GLDC: variants seen among roughly 807,000 people sequenced by gnomAD.
The protein encoded by GLDC is glycine decarboxylase.
Under a neutral mutation model 121.3 loss-of-function variants are expected in GLDC, and 104 were observed. The observed-to-expected ratio is 0.86, with a 90% CI of 0.73 to 1.01. The LOEUF (loss-of-function observed/expected upper bound fraction) is 1.01, where lower values mean the gene tolerates loss of function less well. Among genes scored for constraint, GLDC ranks in the 50% least tolerant of loss-of-function variants. GLDC has a pLI of 0.00. For synonymous variants in GLDC, 546 were observed against 480.6 expected (o/e 1.14, Z -1.78); for missense variants, 1,429 against 1,306.6 (o/e 1.09, Z -1.44).
rs1182796583 is a variant in GLDC at position 6,622,535 on chromosome 9, C to G, written c.335-2216G>C. ...CCGGGATTGCAGACAGAGTCTCGTTCACTCAGTGCTCAATGGTGCCCAGGC... is the reference window on the plus strand; with the variant it reads ...CCGGGATTGCAGACAGAGTCTCGTTGACTCAGTGCTCAATGGTGCCCAGGC... On this transcript the variant is annotated intron_variant, in intron 2 of 24. Coordinates refer to ENST00000321612, the MANE Select transcript of GLDC (RefSeq NM_000170.3). Among the ~76,000 whole-genome samples the G allele has an allele frequency of 3.9e-5, 6 of 152,294 alleles. No individual in the cohort carries two copies. In the South Asian group the frequency reaches 1.2e-3, roughly 32 times the overall value.
chr9:6,597,084 C>A (rs1309061933), intron 8 of GLDC, among the ~76,000 whole-genome samples: 4 of 152,154 alleles, frequency 2.6e-5, no homozygotes, highest in African/African-American at 9.7e-5. Flanking sequence ...TATGGATGAA[C>A]CTTGAAAACC....
intron 15 of GLDC, among the ~76,000 whole-genome samples, chr9:6,575,563 G>A (rs1310282993): frequency 1.3e-5 from 2 of 152,198 alleles, no homozygotes; most frequent in Non-Finnish European, 2.9e-5. Context: ...GCCATTGAGA[G>A]CCCTGTTCAC....
intron 7 of GLDC, among the ~76,000 whole-genome samples, chr9:6,603,942 C>G (rs1438268992): frequency 6.6e-6 from 1 of 152,052 alleles, no homozygotes; most frequent in Non-Finnish European, 1.5e-5. Context: ...ATTGGCCAGG[C>G]TCGTCTGGGA....
intron 7 of GLDC, 112 bp from the exon 8 acceptor site, chr9:6,602,317 T>C (rs1818631832): frequency 1.4e-6 from 1 of 735,030 alleles, no homozygotes; most frequent in Non-Finnish European, 2.5e-6. Flanking sequence ...GCAAATGCAC[T>C]TGGGTGCAAA....
At position 6,644,812 on chromosome 9, in the gene GLDC, A is replaced by C. The variant is rs146229618; in HGVS notation, c.256-120T>G. 1,113 of 737,582 alleles carry C rather than the reference A, an allele frequency of 1.5e-3. 6 individuals carry two copies. Among genetic ancestry groups the C allele is most frequent in the Middle Eastern group, 6.3e-3 (20 of 3,200 alleles). 45.7% of individuals were successfully genotyped at this position (737,582 alleles called of 1,614,324 possible). Reference sequence around the variant, plus strand: ...AAATCGCCTAATTAGGGTTCTTTTTAAAAGAAAAGGAAAACTCTGAGCAAG... The same window carrying C: ...AAATCGCCTAATTAGGGTTCTTTTTCAAAGAAAAGGAAAACTCTGAGCAAG... On this transcript the variant is annotated intron_variant, in intron 1 of 24. Coordinates refer to ENST00000321612, the MANE Select transcript of GLDC (RefSeq NM_000170.3).
intron 15 of GLDC, among the ~76,000 whole-genome samples, chr9:6,579,278 C>T (rs1244976406): frequency 6.6e-6 from 1 of 152,064 alleles, no homozygotes; most frequent in Admixed American, 6.6e-5. Context: ...TTAATCATTT[C>T]ATTTTTTACC....
At chr9:6,571,821 C>G (rs945767480) in intron 15 of GLDC, among the ~76,000 whole-genome samples, 6 of 152,134 alleles carry the variant, frequency 3.9e-5, no homozygotes, top group African/African-American at 1.4e-4. Flanking sequence ...TCATATATAG[C>G]TACAATAATC....
chr9:6,588,408 T>A lies in GLDC; in HGVS notation c.1700A>T (p.Glu567Val), dbSNP rs769569710. Residue 567 changes from glutamate (E) to valine (V), a missense_variant, in exon 14 of 25, where the codon GAA (glutamate) becomes GTA (valine). Glu to Val is a moderately radical substitution (Grantham distance 121, BLOSUM62 -2). Transcript: ENST00000321612. ...SCTMKLNSSS[E>V]LAPITWKEFA... ...CAGAAGTGAGCTACTTACTGCGAGTTCAGACGAACTGTTCAGTTTCATGGT... is the reference window on the plus strand; with the variant it reads ...CAGAAGTGAGCTACTTACTGCGAGTACAGACGAACTGTTCAGTTTCATGGT... 6.2e-7 allele frequency: 1 copy of A among 1,611,498 alleles called. No homozygotes were observed. The highest frequency in any genetic ancestry group is 1.1e-5 in the South Asian group (1 of 91,024).
intron 16 of GLDC, among the ~76,000 whole-genome samples, chr9:6,563,389 C>A (rs570952595): frequency 6.6e-6 from 1 of 152,236 alleles, no homozygotes; most frequent in Non-Finnish European, 1.5e-5. Context: ...GCGGCCTCTC[C>A]GCCAAGCAGT....
intron 2 of GLDC, among the ~76,000 whole-genome samples, chr9:6,642,191 A>C (rs1336605462): frequency 6.6e-6 from 1 of 152,100 alleles, no homozygotes; most frequent in African/African-American, 2.4e-5. Context: ...AATCATCCCA[A>C]ACTAGATGGA....
At position 6,589,255 on chromosome 9, in the gene GLDC, C is replaced by A; in HGVS notation, c.1520G>T (p.Gly507Val). ...CCTCTTGAACACAGACCCTGGAATACCTCTGCACTCCTCTCCCATGCTTTC... is the reference window on the plus strand; with the variant it reads ...CCTCTTGAACACAGACCCTGGAATAACTCTGCACTCCTCTCCCATGCTTTC... ...VAESMGEECR[G>V]IPGSVFKRTS... Residue 507 changes from glycine to valine, a missense_variant, in exon 12 of 25, where the codon GGT becomes GTT. Transcript: ENST00000321612. 1 of 1,610,218 alleles carries A rather than the reference C, an allele frequency of 6.2e-7. No homozygotes were observed. Among genetic ancestry groups the A allele is most frequent in the South Asian group, 1.1e-5 (1 of 90,992 alleles).
intron 15 of GLDC, among the ~76,000 whole-genome samples, chr9:6,574,426 C>G (rs1345118795): frequency 1.3e-5 from 2 of 149,580 alleles, no homozygotes; most frequent in Non-Finnish European, 3.0e-5. Flanking sequence ...GAGATTATGC[C>G]ACTGCACTCC....
intron 8 of GLDC, among the ~76,000 whole-genome samples, chr9:6,599,558 T>C (rs1818557994): frequency 6.6e-6 from 1 of 151,342 alleles, no homozygotes; most frequent in Admixed American, 6.6e-5. Context: ...CTGTCTCTAC[T>C]AAAAATAGAA....
At chr9:6,538,801 C>T (rs1165642401) in intron 22 of GLDC, among the ~76,000 whole-genome samples, 9 of 152,192 alleles carry the variant, frequency 5.9e-5, no homozygotes, top group African/African-American at 9.7e-5. Context: ...TTTCCTGAGT[C>T]GGCCATTACC....
chr9:6,629,788 C>A (rs952014847), intron 2 of GLDC, among the ~76,000 whole-genome samples: 1 of 149,970 alleles, frequency 6.7e-6, no homozygotes, highest in African/African-American at 2.5e-5. Context: ...ATATATATAC[C>A]CACAATATTG....
At chr9:6,538,678 A>T (rs1372560136) in intron 22 of GLDC, among the ~76,000 whole-genome samples, 2 of 152,220 alleles carry the variant, frequency 1.3e-5, no homozygotes, top group Non-Finnish European at 2.9e-5. Flanking sequence ...ATTCAGAAAC[A>T]CTGGGTGGTG....
chr9:6,610,152 G>A (rs1269836995), intron 4 of GLDC, 40 bp downstream of exon 4: 2 of 1,501,824 alleles, frequency 1.3e-6, no homozygotes, highest in Non-Finnish European at 1.8e-6. Context: ...AGGCGAGGTG[G>A]CCCACAACTG....
chr9:6,622,681 G>A (rs1301244596), intron 2 of GLDC: 1 of 206,384 alleles, frequency 4.8e-6, no homozygotes, highest in Non-Finnish European at 9.8e-6. Context: ...GGGAAGTGAG[G>A]AGCCTCTCTG....
chr9:6,637,355 A>T (rs1819525599), intron 2 of GLDC, among the ~76,000 whole-genome samples: 1 of 151,884 alleles, frequency 6.6e-6, no homozygotes, highest in South Asian at 2.1e-4. Context: ...CAGTGAGCTG[A>T]GATCGAGCCA....
Sources: allele counts gnomAD v4.1 joint callset (sites outside exome capture counted in the v4.1 genomes callset), GRCh38; gene constraint gnomAD v4.1.1; transcripts MANE v1.5; gene names NCBI Gene and HGNC (gene_info 2026-07-23, HGNC 2026-07-21).